MEG3: variants seen among roughly 807,000 people sequenced by gnomAD.
MEG3 encodes the protein Very putative protein from MEG3 locus.
At chr14:100,842,346 C>T (rs569720646) in intron 2 of MEG3, among the ~76,000 whole-genome samples, 1 of 152,244 alleles carries the variant, frequency 6.6e-6, no homozygotes, top group East Asian at 1.9e-4. Context: ...CAGGAAGAGG[C>T]GTATGTAAAC....
chr14:100,837,661 T>C lies in MEG3; in HGVS notation n.3045+1361T>C, dbSNP rs117705485. ...TCAGCCCTTGTGCAGGCCTCCGCCCTCCGCCACCCCCCACCCCCGGAGTGT... is the reference window on the plus strand; with the variant it reads ...TCAGCCCTTGTGCAGGCCTCCGCCCCCCGCCACCCCCCACCCCCGGAGTGT... On this transcript the variant is annotated intron_variant and non_coding_transcript_variant, in intron 2 of 3. Coordinates refer to the MEG3 transcript ENST00000398461. The surrounding 1 kb of genome is among the most constrained non-coding windows in gnomAD (Gnocchi z 5.8). 0.036 allele frequency among the ~76,000 whole-genome samples: 5,455 copies of C among 152,010 alleles called. 157 individuals carry two copies. Among genetic ancestry groups the C allele is most frequent in the East Asian group, 0.097 (496 of 5,104 alleles).
At chr14:100,838,679 G>A (rs1253435669) in intron 2 of MEG3, among the ~76,000 whole-genome samples, 2 of 152,124 alleles carry the variant, frequency 1.3e-5, no homozygotes, top group African/African-American at 4.8e-5. Context: ...TTCCTAGGGG[G>A]CTGCCTCTAG....
rs1046156637 is a variant in MEG3, at chr14:100,845,795, C to T, written n.3121+262C>T. On this transcript the variant is annotated intron_variant and non_coding_transcript_variant, in intron 3 of 3. Transcript: ENST00000398461. The surrounding 1 kb of genome is among the most constrained non-coding windows in gnomAD (Gnocchi z 5.2). Reference sequence around the variant, plus strand: ...ATAGGCGGGCTTCAAATGTCGGACCCCAAAAGAATTTCTTCTTTTTCACTC... The same window carrying T: ...ATAGGCGGGCTTCAAATGTCGGACCTCAAAAGAATTTCTTCTTTTTCACTC... 4.7e-6 allele frequency: 1 copy of T among 214,716 alleles called. No individual in the cohort carries two copies. Among genetic ancestry groups the T allele is most frequent in the Non-Finnish European group, 9.6e-6 (1 of 103,824 alleles). 13.3% of individuals were successfully genotyped at this position (214,716 alleles called of 1,614,324 possible). A position where few individuals can be genotyped will look rare whatever the true frequency, so the allele number is the denominator to read the frequency against.
chr14:100,843,389 C>T (rs2037816347), intron 2 of MEG3, among the ~76,000 whole-genome samples: 2 of 152,134 alleles, frequency 1.3e-5, no homozygotes, highest in African/African-American at 4.8e-5. Flanking sequence ...CAGCCACGCA[C>T]AGTCTCGGAG....
chr14:100,848,825 G>A (rs2037989994), intron 3 of MEG3: 1 of 152,180 alleles, frequency 6.6e-6, no homozygotes. Context: ...AAGAACGAGA[G>A]AGGGAGAGAT....
exon 1 of MEG3, chr14:100,859,874 T>A (rs1266668577): frequency 6.6e-6 from 1 of 152,192 alleles, no homozygotes; most frequent in African/African-American, 2.4e-5. Flanking sequence ...GGCTGGCTCG[T>A]GAGACTCAAG....
downstream of MEG3, chr14:100,832,748 CTG>C (rs1292487619): frequency 2.6e-5 from 4 of 152,622 alleles, no homozygotes; most frequent in African/African-American, 9.6e-5. Flanking sequence ...GTCTTTGCCT[CTG>C]TCCCAGTGCG....
chr14:100,852,004 C>A (rs2038094465), intron 3 of MEG3: 1 of 223,820 alleles, frequency 4.5e-6, no homozygotes, highest in Non-Finnish European at 9.2e-6. Flanking sequence ...TATAAAAACA[C>A]TGGATTCTTA....
intron 2 of MEG3, among the ~76,000 whole-genome samples, chr14:100,840,588 C>T (rs1429965320): frequency 2.0e-5 from 3 of 152,200 alleles, no homozygotes; most frequent in South Asian, 2.1e-4. Flanking sequence ...TGTGGGGCCC[C>T]TTGCCCTTGT....
chr14:100,853,171 G>A (rs935204498), upstream of MEG3: 1 of 152,128 alleles, frequency 6.6e-6, no homozygotes, highest in Non-Finnish European at 1.5e-5. Flanking sequence ...GTCTGGTCAG[G>A]GCCTATCTTT....
At chr14:100,854,961 G>C (rs908970632), upstream of MEG3, 1 of 152,590 alleles carries the variant, frequency 6.6e-6, no homozygotes, top group Non-Finnish European at 1.5e-5. Context: ...TCTAAGGAGC[G>C]GAATAAAGGG....
At chr14:100,832,109 A>G (rs1227170801), downstream of MEG3, 1 of 122,168 alleles carries the variant, frequency 8.2e-6, no homozygotes, top group African/African-American at 2.8e-5. Context: ...CAAAGACATT[A>G]AAGACAAAAA....
exon 2 of MEG3, chr14:100,836,221 G>T (rs1456921106): frequency 1.3e-5 from 6 of 456,566 alleles, no homozygotes; most frequent in Admixed American, 2.3e-5. Context: ...TGGAAGCTGC[G>T]GAAGAGGCCC....
downstream of MEG3, chr14:100,832,449 C>T (rs914456524): frequency 1.3e-5 from 2 of 152,566 alleles, no homozygotes; most frequent in East Asian, 3.9e-4. Context: ...TCCCCTCCCC[C>T]TTACCCTGGC....
rs2038371150 is a variant in MEG3 at position 100,860,441 on chromosome 14, C to T, written n.3112+85C>T. ...GGTGGGCGTCAGGACTAGAGTGATG[C>T]TTCCAGAAGTTTCTGCAAGTGGGCC... On this transcript the variant is annotated intron_variant and non_coding_transcript_variant, in intron 1 of 1. Coordinates refer to the MEG3 transcript ENST00000398460. The T allele has an allele frequency of 1.0e-4, 36 of 356,512 alleles. 2 individuals are homozygous for T. The highest frequency in any genetic ancestry group is 7.2e-4 in the South Asian group (35 of 48,438). The allele number at this position is 356,512 out of a possible 1,614,324, so 22.1% of individuals were successfully genotyped here.
intron 3 of MEG3, chr14:100,848,641 T>G (rs1398152495): frequency 6.6e-6 from 1 of 152,032 alleles, no homozygotes; most frequent in Non-Finnish European, 1.5e-5. Context: ...AATAAATAAT[T>G]AGATCAAATA....
exon 2 of MEG3, chr14:100,860,766 T>TA (rs779761024): frequency 8.8e-6 from 4 of 453,886 alleles, no homozygotes; most frequent in South Asian, 6.2e-5. Context: ...ACCCGGGGCC[T>TA]CCCCTTGAGT....
At chr14:100,852,691 A>T (rs1173127363), upstream of MEG3, 1 of 262,584 alleles carries the variant, frequency 3.8e-6, no homozygotes, top group Non-Finnish European at 7.7e-6. Context: ...TGTTAAAAAA[A>T]GTCAGCAGAG....
chr14:100,836,019 T>C (rs1304196994), intron 1 of MEG3: 2 of 350,070 alleles, frequency 5.7e-6, no homozygotes, highest in East Asian at 1.6e-4. Flanking sequence ...TTGCACCTTT[T>C]CCTGTCATTG....
Sources: allele counts gnomAD v4.1 joint callset (sites outside exome capture counted in the v4.1 genomes callset), GRCh38; gene constraint gnomAD v4.1.1; non-coding constraint Gnocchi (gnomAD v3.1); transcripts MANE v1.5; gene names NCBI Gene and HGNC (gene_info 2026-07-23, HGNC 2026-07-21).